The following PTPN22 variants were observed in gnomAD, a reference collection of about 807,000 sequenced individuals.
The protein encoded by PTPN22 is tyrosine-protein phosphatase non-receptor type 22.
Under a neutral mutation model 103.3 loss-of-function variants are expected in PTPN22, and 85 were observed. That is an observed-to-expected ratio of 0.82 (90% CI 0.69 to 0.99). PTPN22 has a LOEUF of 0.99. PTPN22 is among the 50% of genes least tolerant of loss of function. The pLI, the probability that PTPN22 is intolerant of heterozygous loss-of-function variation, is 0.00. For missense variants in PTPN22, 865 were observed against 936.9 expected (o/e 0.92, Z 1.00); for synonymous variants, 323 against 310.2 (o/e 1.04, Z -0.43).
intron 16 of PTPN22, among the ~76,000 whole-genome samples, chr1:113,830,961 T>C (rs1280168531): frequency 6.6e-6 from 1 of 152,180 alleles, no homozygotes; most frequent in East Asian, 1.9e-4. Context: ...TGCTAGGTAA[T>C]ACACACAAGT....
At chr1:113,819,787 T>C (rs1661443017) in intron 19 of PTPN22, 133 bp from the exon 20 acceptor site, 3 of 504,714 alleles carry the variant, frequency 5.9e-6, no homozygotes, top group Non-Finnish European at 9.8e-6. Context: ...GTTAACAAAA[T>C]GTAGGTGCTT....
intron 11 of PTPN22, among the ~76,000 whole-genome samples, 166 bp from the exon 12 acceptor site, chr1:113,838,786 T>C (rs2101977424): frequency 6.6e-6 from 1 of 152,332 alleles, no homozygotes; most frequent in Middle Eastern, 3.4e-3. Flanking sequence ...CAAGAACTCG[T>C]TCATATACTG....
chr1:113,854,393 T>C (rs1479553500), intron 9 of PTPN22, 78 bp downstream of exon 9: 1 of 1,325,708 alleles, frequency 7.5e-7, no homozygotes, highest in Non-Finnish European at 1.1e-6. Flanking sequence ...AAGATAGATG[T>C]TTTGAAAAAC....
chr1:113,823,102 G>C (rs2101889358), intron 19 of PTPN22: 1 of 152,226 alleles, frequency 6.6e-6, no homozygotes, highest in Middle Eastern at 3.4e-3. Context: ...ACCAAATTTT[G>C]TTTAATGTTG....
At chr1:113,863,111 G>A (rs1665763849) in intron 1 of PTPN22, among the ~76,000 whole-genome samples, 1 of 152,144 alleles carries the variant, frequency 6.6e-6, no homozygotes, top group Non-Finnish European at 1.5e-5. Context: ...GTTGGTTTTT[G>A]AGACAGAATC....
At chr1:113,834,925 C>T (rs368086285) in exon 14 of PTPN22, 4 of 1,576,998 alleles carry the variant, frequency 2.5e-6, no homozygotes, top group Non-Finnish European at 3.4e-6. Context: ...TCCTCAACCA[C>T]AATAAATGAT....
chr1:113,853,673 G>A (rs1664769789), intron 9 of PTPN22, among the ~76,000 whole-genome samples: 1 of 149,736 alleles, frequency 6.7e-6, no homozygotes, highest in Admixed American at 6.7e-5. Context: ...TTTCCTTTAT[G>A]TATTTTATTT....
exon 10 of PTPN22, chr1:113,852,077 T>C (rs1375003833): frequency 1.2e-6 from 2 of 1,610,564 alleles, no homozygotes; most frequent in Non-Finnish European, 1.7e-6. Flanking sequence ...CGGATCAAAC[T>C]GAAAACACTG....
intron 13 of PTPN22, 87 bp from the exon 14 acceptor site, chr1:113,835,080 T>G (rs1263167474): frequency 8.9e-6 from 6 of 671,974 alleles, no homozygotes; most frequent in Non-Finnish European, 1.1e-5. Context: ...AATATAAATT[T>G]ACCATAATTT....
rs1323101717 is a variant in PTPN22, at chr1:113,856,051, TCA to T, written c.540+329_540+330del. ...TTCTTTGAGACACAGTCTTGCTCTG[TCA>T]CCCAGGCTGCAGTACAGTGGCACCA... On this transcript the variant is annotated intron_variant, in intron 7 of 20. Coordinates refer to ENST00000359785, the Ensembl canonical transcript of PTPN22. Among the ~76,000 whole-genome samples the T allele has an allele frequency of 2.6e-5, 4 of 152,336 alleles. No homozygotes were observed. In the East Asian group the frequency reaches 7.7e-4, roughly 29 times the overall value.
intron 5 of PTPN22, 101 bp from the exon 6 acceptor site, chr1:113,856,720 G>T (rs564975401): frequency 1.3e-6 from 2 of 1,514,628 alleles, no homozygotes; most frequent in African/African-American, 1.4e-5. Flanking sequence ...TTCACCTTAG[G>T]TTAGGTGCGT....
intron 20 of PTPN22, among the ~76,000 whole-genome samples, chr1:113,817,088 C>T (rs546009473): frequency 9.2e-5 from 14 of 152,110 alleles, no homozygotes; most frequent in African/African-American, 2.7e-4. Flanking sequence ...TTTACTCTTC[C>T]GAGTGGCAAG....
intron 16 of PTPN22, among the ~76,000 whole-genome samples, chr1:113,832,249 G>A (rs933748017): frequency 3.9e-5 from 6 of 152,062 alleles, no homozygotes; most frequent in Non-Finnish European, 7.4e-5. Context: ...GTGCAGTGGC[G>A]CAATCTCAGC....
chr1:113,864,338 T>C (rs1245139422), intron 1 of PTPN22: 2 of 419,130 alleles, frequency 4.8e-6, no homozygotes, highest in African/African-American at 2.1e-5. Flanking sequence ...TGCAGTGAGC[T>C]ATGATCAAGC....
intron 11 of PTPN22, among the ~76,000 whole-genome samples, chr1:113,839,859 A>T (rs1663374904): frequency 6.6e-6 from 1 of 151,950 alleles, no homozygotes; most frequent in Non-Finnish European, 1.5e-5. Flanking sequence ...CTAAAGTTCT[A>T]GCCAAAGTAA....
chr1:113,814,626 A>T, exon 21 of PTPN22: 1 of 274,248 alleles, frequency 3.6e-6, no homozygotes, highest in Non-Finnish European at 6.7e-6. Flanking sequence ...GGCAAAAATG[A>T]AAAATAAATC....
At chr1:113,848,677 G>T in intron 10 of PTPN22, 51 bp from the exon 11 acceptor site, 1 of 1,546,334 alleles carries the variant, frequency 6.5e-7, no homozygotes, top group Non-Finnish European at 8.8e-7. Flanking sequence ...AAAAAAATTG[G>T]TGAACGACAG....
At chr1:113,859,819 G>A (rs1243077844) in intron 1 of PTPN22, among the ~76,000 whole-genome samples, 1 of 152,108 alleles carries the variant, frequency 6.6e-6, no homozygotes, top group Non-Finnish European at 1.5e-5. Context: ...TTAGTTAAAT[G>A]GTCAACTGGA....
At chr1:113,830,303 C>G (rs1311493876) in intron 16 of PTPN22, among the ~76,000 whole-genome samples, 6 of 152,076 alleles carry the variant, frequency 3.9e-5, no homozygotes, top group Non-Finnish European at 8.8e-5. Flanking sequence ...CTAGATCTAA[C>G]ACCCATTTTG....
Sources: allele counts gnomAD v4.1 joint callset (sites outside exome capture counted in the v4.1 genomes callset), GRCh38; gene constraint gnomAD v4.1.1; transcripts MANE v1.5; gene names NCBI Gene and HGNC (gene_info 2026-07-23, HGNC 2026-07-21).